The following GRIK2 variants were observed in gnomAD, a reference collection of about 807,000 sequenced individuals.
GRIK2 encodes the protein glutamate ionotropic receptor kainate type subunit 2, also known as glutamate receptor ionotropic, kainate 2.
A neutral mutation model predicts 100.3 loss-of-function variants in GRIK2; 32 were observed. That is an observed-to-expected ratio of 0.32 (90% CI 0.24 to 0.43). GRIK2 has a LOEUF of 0.43. Ranked by LOEUF, GRIK2 falls within the 20% of genes least tolerant of loss-of-function variation. GRIK2 has a pLI of 1.00. For synonymous variants in GRIK2, 417 were observed against 389.4 expected, an observed-to-expected ratio of 1.07 and a Z score of -0.83; for missense variants, 843 against 1,114.9, an observed-to-expected ratio of 0.76 and a Z score of 3.47.
chr6:101,887,710 G>A (rs1464952934), intron 11 of GRIK2, among the ~76,000 whole-genome samples: 1 of 152,032 alleles, frequency 6.6e-6, no homozygotes, highest in African/African-American at 2.4e-5. Flanking sequence ...CCCTCCTCAC[G>A]TGGCAGAGCA....
At chr6:101,680,367 AGAATAT>A (rs1024625639) in intron 5 of GRIK2, among the ~76,000 whole-genome samples, 1 of 152,190 alleles carries the variant, frequency 6.6e-6, no homozygotes, top group African/African-American at 2.4e-5. Flanking sequence ...TACAACTTTG[AGAATAT>A]GAAATATACC....
rs368914557 is a variant in GRIK2 at position 101,902,093 on chromosome 6, GAAAA to G, written c.1748+12231_1748+12234del. On this transcript the variant is annotated intron_variant, in intron 12 of 16. Transcript: ENST00000369134. ...TAGTTTAATAATTGGCTATGGCAGT[GAAAA>G]GGGCTTTCCTTTGTAGCATTTGCCA... 2.8e-3 allele frequency among the ~76,000 whole-genome samples: 421 copies of G among 152,058 alleles called. 2 individuals carry two copies. The highest frequency in any genetic ancestry group is 9.6e-3 in the African/African-American group (399 of 41,544).
chr6:101,851,787 A>G, intron 10 of GRIK2, among the ~76,000 whole-genome samples: 1 of 151,874 alleles, frequency 6.6e-6, no homozygotes, highest in East Asian at 1.9e-4. Flanking sequence ...AAAAAAAAAA[A>G]AAGTCATACA....
chr6:101,837,317 A>G (rs1417163), intron 10 of GRIK2, among the ~76,000 whole-genome samples: 13,295 of 152,126 alleles, frequency 0.087, 1,580 homozygotes, highest in African/African-American at 0.27. Flanking sequence ...CTGGAGATCT[A>G]AGCTACAACA....
intron 2 of GRIK2, among the ~76,000 whole-genome samples, chr6:101,541,699 T>C (rs1212584375): frequency 6.6e-6 from 1 of 152,050 alleles, no homozygotes; most frequent in Non-Finnish European, 1.5e-5. Flanking sequence ...GTTTAGAAGC[T>C]TATGGAACCC....
Position 101,934,081 on chromosome 6 carries a change from A to G in GRIK2, c.2085+5449A>G, listed in dbSNP as rs946467630. Among the ~76,000 whole-genome samples, 21 of 151,756 alleles carry G rather than the reference A, an allele frequency of 1.4e-4. 1 individual carries two copies. The highest frequency in any genetic ancestry group is 2.7e-4 in the Non-Finnish European group (18 of 67,794). ...TAAATTCCAGCTCATTTATCTTCAGACAACTTCTAAGGAAGGTAGGAAGCA... is the reference window on the plus strand; with the variant it reads ...TAAATTCCAGCTCATTTATCTTCAGGCAACTTCTAAGGAAGGTAGGAAGCA... On this transcript the variant is annotated intron_variant, in intron 14 of 16. Transcript: ENST00000369134.
In GRIK2 at chr6:101,757,478, T is replaced by A. The variant is rs542628840; in HGVS notation, c.952-42170T>A. ...GTTTAGTCTAGTGAAGCACTCTACATGCATTATTTCATTTAAAAGTTTACA... is the reference window on the plus strand; with the variant it reads ...GTTTAGTCTAGTGAAGCACTCTACAAGCATTATTTCATTTAAAAGTTTACA... On this transcript the variant is annotated intron_variant, in intron 7 of 16. Transcript: ENST00000369134. Among the ~76,000 whole-genome samples the A allele has an allele frequency of 3.3e-5, 5 of 152,358 alleles. No homozygotes were observed. The South Asian group carries it at 1.0e-3, about 32-fold the overall frequency.
At chr6:101,603,190 A>T (rs1779301020) in intron 2 of GRIK2, among the ~76,000 whole-genome samples, 1 of 151,754 alleles carries the variant, frequency 6.6e-6, no homozygotes, top group African/African-American at 2.4e-5. Context: ...TAAATAATCA[A>T]CATATACACC....
chr6:101,660,586 T>C (rs562138831), intron 4 of GRIK2, among the ~76,000 whole-genome samples: 1 of 152,342 alleles, frequency 6.6e-6, no homozygotes, highest in Admixed American at 6.5e-5. Flanking sequence ...ATTTTTGTGC[T>C]GGTTTTTCCT....
chr6:101,526,556 G>A (rs1331686130), intron 2 of GRIK2, among the ~76,000 whole-genome samples: 1 of 152,032 alleles, frequency 6.6e-6, no homozygotes, highest in Admixed American at 6.6e-5. Flanking sequence ...CTGATATATT[G>A]GTTAGCACTA....
intron 10 of GRIK2, among the ~76,000 whole-genome samples, chr6:101,841,917 C>T (rs769909287): frequency 1.5e-4 from 23 of 151,980 alleles, no homozygotes; most frequent in Non-Finnish European, 2.4e-4. Flanking sequence ...GTAAGGTCTG[C>T]GAGTTGAATG....
At chr6:101,483,119 T>TA (rs1196821139) in intron 2 of GRIK2, among the ~76,000 whole-genome samples, 1 of 152,202 alleles carries the variant, frequency 6.6e-6, no homozygotes, top group Non-Finnish European at 1.5e-5. Context: ...TACTTTTTTT[T>TA]AAATCAGATA....
chr6:102,021,170 G>A (rs1283474975), intron 14 of GRIK2, among the ~76,000 whole-genome samples: 1 of 151,694 alleles, frequency 6.6e-6, no homozygotes, highest in Non-Finnish European at 1.5e-5. Context: ...AAGACAAATA[G>A]TTAAAGTAAA....
chr6:101,675,488 G>C (rs1479094107), intron 4 of GRIK2, among the ~76,000 whole-genome samples: 1 of 152,176 alleles, frequency 6.6e-6, no homozygotes, highest in African/African-American at 2.4e-5. Context: ...AGAAGAAAGA[G>C]TAGAAGGAGA....
At chr6:101,629,839 T>C (rs1780640626) in intron 4 of GRIK2, among the ~76,000 whole-genome samples, 2 of 152,046 alleles carry the variant, frequency 1.3e-5, no homozygotes, top group African/African-American at 2.4e-5. Context: ...ATCCAATAGA[T>C]AGTTTTTCAA....
At position 102,053,091 on chromosome 6, in the gene GRIK2, A is replaced by AACAACACAC. The variant is rs1554197943; in HGVS notation, c.2312-2236_2312-2235insACACACACA. Reference sequence around the variant, plus strand: ...TACAAAGACAAACAACAACAACAACAACACACACACACACACACACACATA... The same window carrying AACAACACAC: ...TACAAAGACAAACAACAACAACAACAACAACACACACACACACACACACACACACACATA... On this transcript the variant is annotated intron_variant, in intron 15 of 16. Transcript: ENST00000369134. 2.6e-3 allele frequency among the ~76,000 whole-genome samples: 389 copies of AACAACACAC among 149,360 alleles called. 2 individuals carry two copies. The highest frequency in any genetic ancestry group is 8.3e-3 in the African/African-American group (339 of 40,670).
chr6:101,464,303 A>T (rs185130304), intron 2 of GRIK2, among the ~76,000 whole-genome samples: 342 of 152,178 alleles, frequency 2.2e-3, no homozygotes, highest in Non-Finnish European at 3.7e-3. Context: ...TCAGTTAGTG[A>T]TGTACAGCAG....
At chr6:101,676,831 G>C in intron 5 of GRIK2, 27 bp downstream of exon 5, 1 of 1,382,932 alleles carries the variant, frequency 7.2e-7, no homozygotes, top group South Asian at 1.3e-5. Context: ...TTCAATTCTT[G>C]TTTTCTTCAT....
chr6:101,455,967 T>C (rs187510086), intron 2 of GRIK2, among the ~76,000 whole-genome samples: 14 of 152,164 alleles, frequency 9.2e-5, no homozygotes, highest in African/African-American at 2.9e-4. Context: ...TAGTAGTTTT[T>C]CCAGAATTGA....
Sources: gnomAD v4.1 joint callset for allele counts (sites outside exome capture counted in the v4.1 genomes callset) on GRCh38, gnomAD v4.1.1 for gene constraint, MANE v1.5 for transcripts, NCBI Gene and HGNC (gene_info 2026-07-23, HGNC 2026-07-21) for gene names.